Variants in MACC1 observed in about 807,000 individuals in gnomAD.
The protein encoded by MACC1 is metastasis-associated in colon cancer protein 1.
MACC1 carries 79 observed loss-of-function variants against 70.7 expected under a neutral mutation model. That is an observed-to-expected ratio of 1.12 (90% CI 0.93 to 1.35). The LOEUF is 1.35. MACC1 is among the 40% of genes most tolerant of loss of function. MACC1 has a pLI of 0.00. For synonymous variants in MACC1, 361 were observed against 347.2 expected (o/e 1.04, Z -0.44); for missense variants, 1,106 against 978.1 (o/e 1.13, Z -1.74).
At chr7:20,201,708 T>TC (rs1782835780) in intron 1 of MACC1, among the ~76,000 whole-genome samples, 1 of 150,906 alleles carries the variant, frequency 6.6e-6, no homozygotes, top group African/African-American at 2.4e-5. Flanking sequence ...AAAGTGGTTG[T>TC]AAGAATGGAG....
At position 20,140,896 on chromosome 7, in the gene MACC1, C is replaced by CAG. The variant is rs1377977512; in HGVS notation, c.*49_*50insCT. ...ACAGACACACACAGACACACACACA[C>CAG]ACACACCATTACCTCATTTTCCCTC... On this transcript the variant is annotated 3_prime_UTR_variant, in exon 7 of 7. Transcript: ENST00000400331. The CAG allele has an allele frequency of 7.0e-7, 1 of 1,426,392 alleles. No homozygotes were observed. The highest frequency in any genetic ancestry group is 1.4e-5 in the African/African-American group (1 of 70,516). 88.4% of individuals were successfully genotyped at this position (1,426,392 alleles called of 1,614,324 possible).
At chr7:20,182,059 G>C (rs1782517446) in intron 1 of MACC1, among the ~76,000 whole-genome samples, 1 of 151,732 alleles carries the variant, frequency 6.6e-6, no homozygotes, top group African/African-American at 2.4e-5. Context: ...GATGAAGCTG[G>C]AAACCATCAT....
intron 1 of MACC1, among the ~76,000 whole-genome samples, chr7:20,208,430 C>G (rs759844325): frequency 1.3e-5 from 2 of 152,104 alleles, no homozygotes; most frequent in Non-Finnish European, 2.9e-5. Flanking sequence ...GAGGTGGTCT[C>G]AGATGGAAAT....
chr7:20,164,979 T>G (rs1782192779), intron 2 of MACC1, among the ~76,000 whole-genome samples: 1 of 152,068 alleles, frequency 6.6e-6, no homozygotes, highest in Non-Finnish European at 1.5e-5. Context: ...TGAAAAATAG[T>G]TATAACCAAA....
chr7:20,188,993 A>G (rs899239470), intron 1 of MACC1, among the ~76,000 whole-genome samples: 8 of 152,304 alleles, frequency 5.3e-5, no homozygotes, highest in African/African-American at 1.9e-4. Context: ...CGTAGACTCT[A>G]GCTGCACTGG....
intron 6 of MACC1, among the ~76,000 whole-genome samples, chr7:20,149,085 C>T (rs1419685078): frequency 6.6e-6 from 1 of 152,116 alleles, no homozygotes; most frequent in Non-Finnish European, 1.5e-5. Context: ...TTTCTTTTAA[C>T]TTTTGCGAGA....
At chr7:20,185,066 AC>A (rs1404295752) in intron 1 of MACC1, 1 of 152,166 alleles carries the variant, frequency 6.6e-6, no homozygotes, top group African/African-American at 2.4e-5. Flanking sequence ...ACACGCCATT[AC>A]TTTTCAATCT....
At chr7:20,202,746 G>C (rs1782851050) in intron 1 of MACC1, among the ~76,000 whole-genome samples, 1 of 152,170 alleles carries the variant, frequency 6.6e-6, no homozygotes, top group Non-Finnish European at 1.5e-5. Flanking sequence ...TTGAAATCGA[G>C]CTAGTTTTAC....
At chr7:20,153,959 G>A (rs1226845943) in intron 6 of MACC1, among the ~76,000 whole-genome samples, 4 of 152,112 alleles carry the variant, frequency 2.6e-5, no homozygotes, top group African/African-American at 9.7e-5. Flanking sequence ...CAAAGGCCAT[G>A]AGAATATGAA....
chr7:20,183,290 G>C (rs936539394), intron 1 of MACC1, among the ~76,000 whole-genome samples: 4 of 152,216 alleles, frequency 2.6e-5, no homozygotes, highest in Admixed American at 2.0e-4. Context: ...GCTGAGAGTG[G>C]CCCCTGGCTG....
chr7:20,193,166 A>C (rs2128107340), intron 1 of MACC1, among the ~76,000 whole-genome samples: 1 of 152,360 alleles, frequency 6.6e-6, no homozygotes, highest in Non-Finnish European at 1.5e-5. Context: ...GGAAGGGGAC[A>C]GCTATGTTTA....
At position 20,139,313 on chromosome 7, in the gene MACC1, C is replaced by T. The variant is rs1781763371; in HGVS notation, c.*1633G>A. On this transcript the variant is annotated 3_prime_UTR_variant, in exon 7 of 7. Coordinates refer to ENST00000400331, the MANE Select transcript of MACC1 (RefSeq NM_182762.4). The stretch of plus-strand genomic sequence containing the variant: ...TAAGAGCTTCAGTGCTTTGTGGGAT[C>T]ACCGCTTACACCCCACCACACCAGG... The T allele has an allele frequency of 6.6e-6, 1 of 152,182 alleles. No homozygotes were observed. The highest frequency in any genetic ancestry group is 6.5e-5 in the Admixed American group (1 of 15,296). 9.4% of individuals were successfully genotyped at this position (152,182 alleles called of 1,614,324 possible). A position where few individuals can be genotyped will look rare whatever the true frequency, so the allele number is the denominator to read the frequency against.
At chr7:20,197,969 A>G (rs901088604) in intron 1 of MACC1, among the ~76,000 whole-genome samples, 13 of 152,252 alleles carry the variant, frequency 8.5e-5, no homozygotes, top group Non-Finnish European at 2.9e-5. Flanking sequence ...AACCATTTCA[A>G]CATGAACAAT....
chr7:20,148,779 G>A (rs1395450991), intron 6 of MACC1, among the ~76,000 whole-genome samples: 1 of 152,128 alleles, frequency 6.6e-6, no homozygotes, highest in Non-Finnish European at 1.5e-5. Flanking sequence ...ATTGTACAAA[G>A]TAGACAATGG....
chr7:20,209,475 G>T (rs950242441), intron 1 of MACC1, among the ~76,000 whole-genome samples: 3 of 152,234 alleles, frequency 2.0e-5, no homozygotes, highest in African/African-American at 7.2e-5. Flanking sequence ...TTTCAGACTT[G>T]CATGGGGCCT....
At chr7:20,207,830 G>T (rs866381027) in intron 1 of MACC1, among the ~76,000 whole-genome samples, 1 of 152,082 alleles carries the variant, frequency 6.6e-6, no homozygotes, top group Non-Finnish European at 1.5e-5. Flanking sequence ...GGCATTAAAA[G>T]GTTAACAGGA....
At chr7:20,172,144 A>G (rs1052202076) in intron 1 of MACC1, among the ~76,000 whole-genome samples, 2 of 152,234 alleles carry the variant, frequency 1.3e-5, no homozygotes, top group Non-Finnish European at 1.5e-5. Flanking sequence ...TGATTCAGGA[A>G]ACATTTATAG....
chr7:20,158,375 A>G lies in MACC1; in HGVS notation c.1986T>C (p.Tyr662=). Residue 662 remains tyrosine, a synonymous_variant, in exon 5 of 7, where the codon TAT becomes TAC. Coordinates refer to ENST00000400331, the MANE Select transcript of MACC1 (RefSeq NM_182762.4). ...GGACATCAGCTAAAACTTTCCAATCATAAACTTTTTCTGACACCAAGGTTA... is the reference window on the plus strand; with the variant it reads ...GGACATCAGCTAAAACTTTCCAATCGTAAACTTTTTCTGACACCAAGGTTA... ...VVLTLVSEKV[Y]DWKVLADVLG... 6.2e-7 allele frequency: 1 copy of G among 1,613,782 alleles called. No individual in the cohort carries two copies. The highest frequency in any genetic ancestry group is 8.5e-7 in the Non-Finnish European group (1 of 1,179,946).
intron 1 of MACC1, among the ~76,000 whole-genome samples, chr7:20,203,497 T>C (rs1047283404): frequency 1.3e-5 from 2 of 152,218 alleles, no homozygotes; most frequent in Non-Finnish European, 2.9e-5. Flanking sequence ...AAGTGAATGA[T>C]GCATCCAATT....
Sources: gnomAD v4.1 joint callset for allele counts (sites outside exome capture counted in the v4.1 genomes callset) on GRCh38, gnomAD v4.1.1 for gene constraint, MANE v1.5 for transcripts, NCBI Gene and HGNC (gene_info 2026-07-23, HGNC 2026-07-21) for gene names.